The following BEGAIN variants were observed in gnomAD, a reference collection of about 807,000 sequenced individuals.
The protein encoded by BEGAIN is brain enriched guanylate kinase associated.
A neutral mutation model predicts 35.8 loss-of-function variants in BEGAIN; 19 were observed. The observed-to-expected ratio is 0.53, with a 90% confidence interval of 0.37 to 0.78. BEGAIN has a LOEUF of 0.78. Among genes scored for constraint, BEGAIN ranks in the 30% least tolerant of loss-of-function variants. The pLI is 0.00. For missense variants in BEGAIN, 795 were observed against 853.6 expected (o/e 0.93, Z 0.85); for synonymous variants, 462 against 388.6 (o/e 1.19, Z -2.22).
In BEGAIN at chr14:100,540,138, G is replaced by A. The variant is rs112019754; in HGVS notation, c.492+358C>T. 6 of 247,108 alleles carry A rather than the reference G, an allele frequency of 2.4e-5. 1 individual carries two copies. Among genetic ancestry groups the A allele is most frequent in the African/African-American group, 8.8e-5 (4 of 45,248 alleles). 15.3% of individuals were successfully genotyped at this position (247,108 alleles called of 1,614,324 possible). On this transcript the variant is annotated intron_variant, in intron 6 of 6. Transcript: ENST00000554140. ...TTTTCTTTCTGAAATAGGCACTGCC[G>A]GTCATCGTGCCCAGCCACAGGCTCC...
chr14:100,576,715 T>G (rs981570788), intron 1 of BEGAIN, among the ~76,000 whole-genome samples: 4 of 152,142 alleles, frequency 2.6e-5, no homozygotes, highest in African/African-American at 9.7e-5. Context: ...TGCCAGCCCC[T>G]GGATGAGGTC....
intron 2 of BEGAIN, among the ~76,000 whole-genome samples, chr14:100,559,215 G>A (rs929415304): frequency 3.9e-5 from 6 of 152,076 alleles, no homozygotes; most frequent in Non-Finnish European, 8.8e-5. Flanking sequence ...GGGCCCAGGA[G>A]GCTCCTGGGC....
chr14:100,541,637 C>T (rs949012848), intron 5 of BEGAIN, among the ~76,000 whole-genome samples: 3 of 152,204 alleles, frequency 2.0e-5, no homozygotes, highest in African/African-American at 7.2e-5. Flanking sequence ...GCCCCTGGCA[C>T]CAGAGGGCTG....
chr14:100,545,178 C>T, intron 3 of BEGAIN, 112 bp from the exon 4 acceptor site: 1 of 1,569,230 alleles, frequency 6.4e-7, no homozygotes. Flanking sequence ...CTCCTGAGCT[C>T]ACCCCACCAG....
At chr14:100,561,386 C>T (rs946924758) in intron 2 of BEGAIN, among the ~76,000 whole-genome samples, 1 of 152,176 alleles carries the variant, frequency 6.6e-6, no homozygotes. Flanking sequence ...TCTCCTGAGC[C>T]GCCTTCTCAA....
At position 100,567,998 on chromosome 14, in the gene BEGAIN, C is replaced by T. The variant is rs2034855766; in HGVS notation, c.43-59G>A. On this transcript the variant is annotated intron_variant, in intron 1 of 6. Coordinates refer to ENST00000554140, the MANE Select transcript of BEGAIN (RefSeq NM_001385089.1). The surrounding 1 kb of genome is among the most constrained non-coding windows in gnomAD (Gnocchi z 5.1). The stretch of plus-strand genomic sequence containing the variant: ...GGAGGCGTGCGCTCCGCGGCCGCGC[C>T]GGGCAGAGCCGGGCACAGCGGGCAC... 1 of 1,357,960 alleles carries T rather than the reference C, an allele frequency of 7.4e-7. No individual in the cohort carries two copies. The highest frequency in any genetic ancestry group is 3.8e-5 in the East Asian group (1 of 26,068). 84.1% of individuals were successfully genotyped at this position (1,357,960 alleles called of 1,614,324 possible).
intron 2 of BEGAIN, among the ~76,000 whole-genome samples, chr14:100,556,490 C>T (rs1376242809): frequency 6.6e-6 from 1 of 152,160 alleles, no homozygotes; most frequent in Non-Finnish European, 1.5e-5. Context: ...GTAGTCACTC[C>T]TGGACCTTGG....
intron 1 of BEGAIN, among the ~76,000 whole-genome samples, chr14:100,585,023 C>G (rs1039442343): frequency 6.6e-6 from 1 of 152,126 alleles, no homozygotes; most frequent in Non-Finnish European, 1.5e-5. Flanking sequence ...CTTGAACACT[C>G]TACACTCTCC....
At position 100,568,328 on chromosome 14, in the gene BEGAIN, CCCTT is replaced by C; in HGVS notation, c.43-393_43-390del. 6 of 418,162 alleles carry C rather than the reference CCCTT, an allele frequency of 1.4e-5. No individual in the cohort carries two copies. Among genetic ancestry groups the C allele is most frequent in the East Asian group, 1.0e-4 (1 of 9,860 alleles). 25.9% of individuals were successfully genotyped at this position (418,162 alleles called of 1,614,324 possible). On this transcript the variant is annotated intron_variant, in intron 1 of 6. Coordinates refer to ENST00000554140, the MANE Select transcript of BEGAIN (RefSeq NM_001385089.1). This position sits in a 1 kb window ranked among gnomAD's most constrained non-coding sequence, Gnocchi z 7.5. ...CTGCTCCCCCCGCCCCGCCCGTTAA[CCCTT>C]CCTGCCCCGCGCTCCCTCCCGGAGG...
chr14:100,565,371 C>T (rs1044787055), intron 2 of BEGAIN, among the ~76,000 whole-genome samples: 2 of 152,114 alleles, frequency 1.3e-5, no homozygotes, highest in Non-Finnish European at 2.9e-5. Flanking sequence ...CATGGGGGGG[C>T]AGCCAGTGGG....
intron 2 of BEGAIN, among the ~76,000 whole-genome samples, chr14:100,561,226 C>T (rs902604747): frequency 4.6e-5 from 7 of 152,176 alleles, no homozygotes; most frequent in African/African-American, 7.2e-5. Context: ...GAGGGCCCCA[C>T]GCTGCCAGGC....
At chr14:100,565,299 C>T (rs902895819) in intron 2 of BEGAIN, among the ~76,000 whole-genome samples, 11 of 152,236 alleles carry the variant, frequency 7.2e-5, no homozygotes, top group South Asian at 2.1e-4. Context: ...GCAGGGACTG[C>T]GTGGGCAAAG....
chr14:100,549,079 C>G (rs2032898966), intron 2 of BEGAIN: 1 of 152,400 alleles, frequency 6.6e-6, no homozygotes, highest in Non-Finnish European at 1.5e-5. Flanking sequence ...CCAGGCATAG[C>G]TGATGCCCCG....
chr14:100,575,450 G>C lies in BEGAIN; in HGVS notation c.43-7511C>G, dbSNP rs191561853. Reference sequence around the variant, plus strand: ...TAATGTCCCCATGGAGACACTGGGGGGAGTGTGACTTGAGCCAGGGCACAG... The same window carrying C: ...TAATGTCCCCATGGAGACACTGGGGCGAGTGTGACTTGAGCCAGGGCACAG... On this transcript the variant is annotated intron_variant, in intron 1 of 6. Transcript: ENST00000554140. 3.3e-5 allele frequency among the ~76,000 whole-genome samples: 5 copies of C among 152,308 alleles called. No homozygotes were observed. The East Asian group carries it at 9.7e-4, about 29-fold the overall frequency.
chr14:100,554,728 C>T (rs2033537887), intron 2 of BEGAIN, among the ~76,000 whole-genome samples: 1 of 152,118 alleles, frequency 6.6e-6, no homozygotes, highest in Non-Finnish European at 1.5e-5. Flanking sequence ...ACTGTAGTTC[C>T]CCCCAGATGG....
chr14:100,580,775 C>A (rs1196666811), intron 1 of BEGAIN, among the ~76,000 whole-genome samples: 1 of 152,228 alleles, frequency 6.6e-6, no homozygotes, highest in Non-Finnish European at 1.5e-5. Flanking sequence ...TAGGGCCTGG[C>A]ACATAGCAGG....
At chr14:100,556,480 G>C (rs1595128878) in intron 2 of BEGAIN, among the ~76,000 whole-genome samples, 1 of 152,188 alleles carries the variant, frequency 6.6e-6, no homozygotes, top group African/African-American at 2.4e-5. Context: ...TGGGACGGCT[G>C]TAGTCACTCC....
chr14:100,562,180 C>T (rs2034316362), intron 2 of BEGAIN, among the ~76,000 whole-genome samples: 1 of 151,984 alleles, frequency 6.6e-6, no homozygotes, highest in South Asian at 2.1e-4. Context: ...AGATGGAGAG[C>T]AGGGGGCCTG....
intron 1 of BEGAIN, among the ~76,000 whole-genome samples, chr14:100,584,699 G>A (rs1425063462): frequency 1.3e-5 from 2 of 152,158 alleles, no homozygotes; most frequent in African/African-American, 4.8e-5. Flanking sequence ...TCACTCCCCT[G>A]ACTGTAATGG....
Sources: gnomAD v4.1 joint callset for allele counts (sites outside exome capture counted in the v4.1 genomes callset) on GRCh38, gnomAD v4.1.1 for gene constraint, Gnocchi (gnomAD v3.1) non-coding constraint, MANE v1.5 for transcripts, NCBI Gene and HGNC (gene_info 2026-07-23, HGNC 2026-07-21) for gene names.